The following SLC12A5 variants were observed in gnomAD, a reference collection of about 807,000 sequenced individuals.
SLC12A5 encodes the protein solute carrier family 12 member 5, also known as K-Cl cotransporter 2.
In SLC12A5, 18 loss-of-function variants were observed where a neutral mutation model predicts 124.0. The ratio of observed to expected loss-of-function variants is 0.15; its 90% CI spans 0.10 to 0.22. SLC12A5 has a LOEUF of 0.22. SLC12A5 is among the 10% of genes least tolerant of loss of function. SLC12A5 has a pLI of 1.00. For missense variants in SLC12A5, 867 were observed against 1,478.7 expected, an observed-to-expected ratio of 0.59 and a Z score of 6.78; for synonymous variants, 589 against 568.0, an observed-to-expected ratio of 1.04 and a Z score of -0.53.
rs559721238 is a variant in SLC12A5 at position 46,040,736 on chromosome 20, A to C, written c.854+122A>C. ...TCTCAGAGTGGTGTGGGTTGGGAGT[A>C]GCTTCCCTTGGGAGGGAAAATCTCT... On this transcript the variant is annotated intron_variant, in intron 7 of 25. Coordinates refer to ENST00000243964, the MANE Select transcript of SLC12A5 (RefSeq NM_020708.5). 1.6e-5 allele frequency: 23 copies of C among 1,449,564 alleles called. No homozygotes were observed. In the East Asian group the frequency reaches 5.5e-4, roughly 34 times the overall value. 89.8% of individuals were successfully genotyped at this position (1,449,564 alleles called of 1,614,324 possible).
intron 6 of SLC12A5, chr20:46,038,223 G>A (rs1387779539): frequency 6.6e-6 from 1 of 152,090 alleles, no homozygotes; most frequent in Non-Finnish European, 1.5e-5. Flanking sequence ...TTTTGAGACA[G>A]AGTCTCACTC....
rs780511518 is a variant in SLC12A5, at chr20:46,043,141, G to T, written c.1067-12G>T. 34 of 1,612,480 alleles carry T rather than the reference G, an allele frequency of 2.1e-5. No homozygotes were observed. The South Asian group carries it at 2.7e-4, about 13-fold the overall frequency. ...TGGCTGGCCTCCCCCTGAGCATTCT[G>T]TCTCCCCACAGAGAACCTCTGGAGC... On this transcript the variant is annotated splice_polypyrimidine_tract_variant and intron_variant, in intron 8 of 25. Coordinates refer to ENST00000243964, the MANE Select transcript of SLC12A5 (RefSeq NM_020708.5).
intron 21 of SLC12A5, among the ~76,000 whole-genome samples, chr20:46,055,457 T>C (rs1471263266): frequency 1.3e-5 from 2 of 152,058 alleles, no homozygotes; most frequent in African/African-American, 2.4e-5. Context: ...TAGGGTGTGA[T>C]TGATGGGATC....
downstream of SLC12A5, among the ~76,000 whole-genome samples, chr20:46,023,926 T>A (rs1248115400): frequency 6.6e-6 from 1 of 152,184 alleles, no homozygotes; most frequent in Non-Finnish European, 1.5e-5. Context: ...GGGATCCTGC[T>A]TCTCTACCCT....
chr20:46,041,926 C>CGGGG lies in SLC12A5; in HGVS notation c.1066+391_1066+394dup, dbSNP rs560393937. 4.2e-4 allele frequency among the ~76,000 whole-genome samples: 64 copies of CGGGG among 151,224 alleles called. 3 individuals carry two copies. Among genetic ancestry groups the CGGGG allele is most frequent in the Admixed American group, 3.2e-3 (49 of 15,090 alleles). ...GTGCATTCAATGCACAGAGAATGCC[C>CGGGG]GGGGGGGGAGAGTTCATGTGTATAA... On this transcript the variant is annotated intron_variant, in intron 8 of 25. Transcript: ENST00000243964.
At chr20:46,022,977 AGAG>A (rs1160025944) in exon 2 of SLC12A5, 6 of 252,038 alleles carry the variant, frequency 2.4e-5, no homozygotes, top group Non-Finnish European at 3.9e-5. Context: ...AGGAGGAGGA[AGAG>A]GAGGAGGAGG....
Position 46,056,708 on chromosome 20 carries a change from A to G in SLC12A5, c.3110+144A>G. On this transcript the variant is annotated intron_variant, in intron 23 of 25. Transcript: ENST00000243964. This position sits in a 1 kb window ranked among gnomAD's most constrained non-coding sequence, Gnocchi z 4.3. ...ATTGTCTTGGTTTCTCCATCTGAGG[A>G]CTTAGGGGGTTGGGCCCCATTGCTA... 8.8e-7 allele frequency: 1 copy of G among 1,136,864 alleles called. No individual in the cohort carries two copies. 70.4% of individuals were successfully genotyped at this position (1,136,864 alleles called of 1,614,324 possible). A position where few individuals can be genotyped will look rare whatever the true frequency, so the allele number is the denominator to read the frequency against.
At chr20:46,055,128 C>A in intron 21 of SLC12A5, 105 bp downstream of exon 21, 1 of 753,454 alleles carries the variant, frequency 1.3e-6, no homozygotes, top group Non-Finnish European at 2.3e-6. Flanking sequence ...TCAACTTCAC[C>A]CTCATCTCCC....
rs1045299253 is a variant in SLC12A5, at chr20:46,056,059, C to G, written c.2788-91C>G. On this transcript the variant is annotated intron_variant, in intron 21 of 25. Transcript: ENST00000243964. This position sits in a 1 kb window ranked among gnomAD's most constrained non-coding sequence, Gnocchi z 4.3. ...ACTGGTACAGTTCCAGAAAGTGCAT[C>G]CTGGCTGAACATCATCTCTGGTGAT... 10 of 1,545,770 alleles carry G rather than the reference C, an allele frequency of 6.5e-6. 1 individual carries two copies. Among genetic ancestry groups the G allele is most frequent in the Admixed American group, 3.7e-5 (2 of 53,508 alleles).
chr20:46,053,435 C>T lies in SLC12A5; in HGVS notation c.2548-143C>T, dbSNP rs1340392163. 2.6e-6 allele frequency: 3 copies of T among 1,169,752 alleles called. No individual in the cohort carries two copies. The highest frequency in any genetic ancestry group is 4.8e-5 in the East Asian group (2 of 41,986). 72.5% of individuals were successfully genotyped at this position (1,169,752 alleles called of 1,614,324 possible). ...GCAGGGAAGGTTTTGTAGAGAGTGG[C>T]CCCAAAGACAGAGGATTTGGGGTCT... On this transcript the variant is annotated intron_variant, in intron 19 of 25. Coordinates refer to ENST00000243964, the MANE Select transcript of SLC12A5 (RefSeq NM_020708.5). This position sits in a 1 kb window ranked among gnomAD's most constrained non-coding sequence, Gnocchi z 4.7.
Position 46,044,991 on chromosome 20 carries a change from C to G in SLC12A5, c.1420C>G (p.Leu474Val). The change falls in exon 12 of 26, where the codon CTC becomes GTC. Residue 474 changes from leucine to valine, a missense_variant. By Grantham distance (32) the Leu-to-Val change is conservative. Transcript: ENST00000243964. ...GTTTGGCGAAGCTGTGAATGGCAAC[C>G]TCGTGGTGGGCACTCTGGCCTGGCC... ...DKFGEAVNGN[L>V]VVGTLAWPSP... The G allele has an allele frequency of 6.2e-7, 1 of 1,614,208 alleles. No individual in the cohort carries two copies. Among genetic ancestry groups the G allele is most frequent in the Non-Finnish European group, 8.5e-7 (1 of 1,180,020 alleles).
intron 1 of SLC12A5, among the ~76,000 whole-genome samples, chr20:46,022,537 A>G (rs950971929): frequency 6.6e-6 from 1 of 152,016 alleles, no homozygotes; most frequent in African/African-American, 2.4e-5. Flanking sequence ...GGCTTAGCGG[A>G]CAGCGACTGG....
intron 3 of SLC12A5, 100 bp from the exon 4 acceptor site, chr20:46,035,677 G>C (rs1214288617): frequency 6.6e-7 from 1 of 1,519,876 alleles, no homozygotes; most frequent in South Asian, 1.3e-5. Flanking sequence ...TGAGAATAGA[G>C]AGAAGAGGAA....
upstream of SLC12A5, among the ~76,000 whole-genome samples, chr20:46,024,956 G>A (rs1174903185): frequency 6.6e-6 from 1 of 152,242 alleles, no homozygotes; most frequent in African/African-American, 2.4e-5. Flanking sequence ...AGGACTAACA[G>A]GAGTTGGGAT....
chr20:46,030,611 T>G (rs569051387), intron 1 of SLC12A5, among the ~76,000 whole-genome samples: 1 of 152,028 alleles, frequency 6.6e-6, no homozygotes, highest in African/African-American at 2.4e-5. Context: ...AACGTTCCCC[T>G]GGGCACTGCT....
At chr20:46,034,773 A>G (rs2084482359) in intron 1 of SLC12A5, 175 bp from the exon 2 acceptor site, 1 of 635,666 alleles carries the variant, frequency 1.6e-6, no homozygotes, top group Admixed American at 2.5e-5. Context: ...CAGCTAGTGC[A>G]TTAGGCTCTG....
intron 14 of SLC12A5, 149 bp downstream of exon 14, chr20:46,046,585 A>T (rs1047111497): frequency 3.1e-5 from 20 of 641,254 alleles, no homozygotes; most frequent in Non-Finnish European, 4.6e-5. Context: ...ACCAACTCAC[A>T]TGAGGAAGGT....
chr20:46,022,944 G>GGAGGAGGAA, exon 2 of SLC12A5: 1 of 210,910 alleles, frequency 4.7e-6, no homozygotes, highest in Non-Finnish European at 7.3e-6. Context: ...CCCAGCGAGG[G>GGAGGAGGAA]GAGGAGGAGG....
At chr20:46,029,189 AGT>A, upstream of SLC12A5, 1 of 1,435,028 alleles carries the variant, frequency 7.0e-7, no homozygotes, top group Non-Finnish European at 9.1e-7. Flanking sequence ...TCCGTGTGCG[AGT>A]GTGTGTGCGC....
Sources: gnomAD v4.1 joint callset for allele counts (sites outside exome capture counted in the v4.1 genomes callset) on GRCh38, gnomAD v4.1.1 for gene constraint, Gnocchi (gnomAD v3.1) non-coding constraint, MANE v1.5 for transcripts, NCBI Gene and HGNC (gene_info 2026-07-23, HGNC 2026-07-21) for gene names.